The following EIF4G3 variants were observed in gnomAD, a reference collection of about 807,000 sequenced individuals.
EIF4G3 encodes the protein eukaryotic translation initiation factor 4 gamma 3.
EIF4G3 carries 34 observed loss-of-function variants against 186.4 expected under a neutral mutation model. The ratio of observed to expected loss-of-function variants is 0.18; its 90% CI spans 0.14 to 0.24. EIF4G3 has a LOEUF of 0.24. Ranked by LOEUF, EIF4G3 falls within the 10% of genes least tolerant of loss-of-function variation. The pLI is 1.00. For missense variants in EIF4G3, 1,536 were observed against 1,948.5 expected (o/e 0.79, Z 3.99); for synonymous variants, 673 against 679.5 (o/e 0.99, Z 0.15).
At position 20,810,884 on chromosome 1, in the gene EIF4G3, G is replaced by C. The variant is rs367637862; in HGVS notation, c.4598C>G (p.Ala1533Gly). 2.2e-4 allele frequency: 355 copies of C among 1,609,570 alleles called. No homozygotes were observed. The highest frequency in any genetic ancestry group is 7.2e-4 in the East Asian group (32 of 44,752). The change falls in exon 36 of 37, where the codon GCC (alanine) becomes GGC (glycine). Residue 1533 changes from alanine to glycine, a missense_variant and splice_region_variant. Physicochemically the swap from Ala to Gly is moderately conservative, Grantham distance 60. Coordinates refer to ENST00000602326, the MANE Select transcript of EIF4G3 (RefSeq NM_001391906.1). This position sits in a 1 kb window ranked among gnomAD's most constrained non-coding sequence, Gnocchi z 4.1. Reference protein sequence around the residue: ...MTAVCKAAIIADSSTFRVDTA... With the variant: ...MTAVCKAAIIGDSSTFRVDTA... ...GTCCACTCTGAAGGTAGAAGAGTCGGCTAAAGGTGATAGAAGAACTAGGAA... is the reference window on the plus strand; with the variant it reads ...GTCCACTCTGAAGGTAGAAGAGTCGCCTAAAGGTGATAGAAGAACTAGGAA...
rs562220065 is a variant in EIF4G3, at chr1:20,953,872, T to G, written c.715-3761A>C. On this transcript the variant is annotated intron_variant, in intron 12 of 36. Transcript: ENST00000602326. ...ATGAAAATTATATAAAATTCAAATT[T>G]TGGTGCCCATAAATAACATGTTATT... 5.3e-5 allele frequency among the ~76,000 whole-genome samples: 8 copies of G among 152,308 alleles called. No individual in the cohort carries two copies. In the East Asian group the frequency reaches 1.5e-3, roughly 29 times the overall value.
chr1:20,851,512 G>C (rs2073263686), intron 27 of EIF4G3, 34 bp from the exon 28 acceptor site: 1 of 1,602,728 alleles, frequency 6.2e-7, no homozygotes, highest in Non-Finnish European at 8.5e-7. Flanking sequence ...TCAAAGGAAA[G>C]ACAAGCCCAT....
chr1:20,939,519 T>C (rs1019429504), intron 14 of EIF4G3, among the ~76,000 whole-genome samples: 8 of 152,278 alleles, frequency 5.3e-5, no homozygotes, highest in Admixed American at 3.3e-4. Flanking sequence ...TATCAGGTCA[T>C]CTAAGTGGCA....
intron 2 of EIF4G3, among the ~76,000 whole-genome samples, chr1:21,143,115 G>C (rs960209953): frequency 3.9e-5 from 6 of 152,042 alleles, no homozygotes; most frequent in Admixed American, 1.3e-4. Flanking sequence ...TAGGTGTGGT[G>C]GTGGGTGCCT....
intron 4 of EIF4G3, among the ~76,000 whole-genome samples, chr1:21,026,766 A>G (rs1249486838): frequency 1.3e-5 from 2 of 152,000 alleles, no homozygotes; most frequent in Non-Finnish European, 2.9e-5. Flanking sequence ...CCTGACCATC[A>G]TGGCAAAACC....
chr1:20,814,771 C>CCCTCCA (rs2060073869), intron 34 of EIF4G3, among the ~76,000 whole-genome samples: 1 of 71,722 alleles, frequency 1.4e-5, no homozygotes, highest in Non-Finnish European at 2.9e-5. Context: ...CTCCCCCTCC[C>CCCTCCA]CCTCCCCCTC....
At chr1:21,100,196 G>A (rs1021403066) in intron 2 of EIF4G3, among the ~76,000 whole-genome samples, 2 of 152,134 alleles carry the variant, frequency 1.3e-5, no homozygotes, top group African/African-American at 2.4e-5. Context: ...GGTTGCCTAA[G>A]CTGAAGGGAG....
chr1:20,897,947 TA>T (rs1442051969), intron 16 of EIF4G3, among the ~76,000 whole-genome samples: 1 of 151,964 alleles, frequency 6.6e-6, no homozygotes, highest in Non-Finnish European at 1.5e-5. Context: ...TAAATTAATA[TA>T]AAAATATAAT....
intron 25 of EIF4G3, among the ~76,000 whole-genome samples, chr1:20,857,100 C>T (rs7531168): frequency 0.95 from 139,520 of 147,632 alleles, 66,426 homozygotes; most frequent in Middle Eastern, 1. Flanking sequence ...GAGGTGGAGC[C>T]TGCAGTGAGC....
intron 2 of EIF4G3, among the ~76,000 whole-genome samples, chr1:21,160,427 C>G (rs1209151138): frequency 6.6e-6 from 1 of 152,088 alleles, no homozygotes; most frequent in Non-Finnish European, 1.5e-5. Flanking sequence ...AATTGAGAAC[C>G]AAAGTTTGAG....
At chr1:21,016,747 G>A (rs1571040154) in intron 4 of EIF4G3, among the ~76,000 whole-genome samples, 1 of 152,056 alleles carries the variant, frequency 6.6e-6, no homozygotes, top group East Asian at 1.9e-4. Context: ...AAGAGTTCAA[G>A]ACCTGAGGTC....
chr1:21,065,065 A>C (rs1424095842), intron 3 of EIF4G3: 1 of 152,172 alleles, frequency 6.6e-6, no homozygotes, highest in Non-Finnish European at 1.5e-5. Context: ...TTTCCTGTTG[A>C]TCTTCAGTCA....
At chr1:21,126,198 C>A (rs1198790078) in intron 2 of EIF4G3, among the ~76,000 whole-genome samples, 2 of 149,410 alleles carry the variant, frequency 1.3e-5, no homozygotes, top group South Asian at 2.1e-4. Flanking sequence ...CAGATTGAGA[C>A]CCTGTCTCAA....
chr1:21,143,647 A>G (rs896102531), intron 2 of EIF4G3, among the ~76,000 whole-genome samples: 8 of 152,114 alleles, frequency 5.3e-5, no homozygotes, highest in African/African-American at 1.7e-4. Flanking sequence ...CATACAAAAT[A>G]TTTTTCAAAA....
intron 4 of EIF4G3, among the ~76,000 whole-genome samples, chr1:21,029,306 C>T (rs933352381): frequency 6.6e-6 from 1 of 152,108 alleles, no homozygotes; most frequent in Non-Finnish European, 1.5e-5. Context: ...AGGCATGAGC[C>T]ACCATGCCTG....
chr1:21,111,236 T>TA, intron 2 of EIF4G3: 6 of 460,742 alleles, frequency 1.3e-5, no homozygotes, highest in South Asian at 9.5e-5. Flanking sequence ...TCCTGAGTAC[T>TA]AACAAGTGGC....
chr1:21,024,063 A>G (rs1418394529), intron 4 of EIF4G3, among the ~76,000 whole-genome samples: 3 of 148,096 alleles, frequency 2.0e-5, no homozygotes, highest in Non-Finnish European at 4.5e-5. Context: ...TCCGCCCGGC[A>G]GCTGCCCCGT....
chr1:21,096,425 A>C (rs1038148511), intron 2 of EIF4G3, among the ~76,000 whole-genome samples: 4 of 152,332 alleles, frequency 2.6e-5, no homozygotes, highest in East Asian at 3.9e-4. Context: ...TGGGTACAAC[A>C]TATGTTTTTC....
chr1:20,955,253 A>G (rs968360879), intron 12 of EIF4G3, among the ~76,000 whole-genome samples: 1 of 150,518 alleles, frequency 6.6e-6, no homozygotes, highest in Non-Finnish European at 1.5e-5. Flanking sequence ...TTTTTTTGAG[A>G]CAGGATCTCA....
Sources: gnomAD v4.1 joint callset for allele counts (sites outside exome capture counted in the v4.1 genomes callset) on GRCh38, gnomAD v4.1.1 for gene constraint, Gnocchi (gnomAD v3.1) non-coding constraint, MANE v1.5 for transcripts, NCBI Gene and HGNC (gene_info 2026-07-23, HGNC 2026-07-21) for gene names.